Variants in PTPRT observed in about 807,000 individuals in gnomAD.
The protein encoded by PTPRT is protein tyrosine phosphatase receptor type T, also known as receptor-type tyrosine-protein phosphatase T.
PTPRT carries 56 observed loss-of-function variants against 176.8 expected under a neutral mutation model. The observed-to-expected ratio is 0.32, with a 90% confidence interval of 0.26 to 0.40. The LOEUF is 0.40. Ranked by LOEUF, PTPRT falls within the 10% of genes least tolerant of loss-of-function variation. PTPRT has a pLI of 1.00. For synonymous variants in PTPRT, 783 were observed against 739.0 expected (o/e 1.06, Z -0.96); for missense variants, 1,540 against 1,908.2 (o/e 0.81, Z 3.60).
At chr20:42,288,272 A>G (rs930857912) in intron 12 of PTPRT, among the ~76,000 whole-genome samples, 6 of 151,990 alleles carry the variant, frequency 3.9e-5, no homozygotes, top group African/African-American at 1.4e-4. Context: ...GCAAATGTGA[A>G]CATTAATTTG....
At chr20:42,896,781 TA>T (rs2079307845) in intron 1 of PTPRT, among the ~76,000 whole-genome samples, 2 of 152,052 alleles carry the variant, frequency 1.3e-5, no homozygotes, top group African/African-American at 2.4e-5. Flanking sequence ...ATTCCAAAGA[TA>T]AAATACCTCA....
In PTPRT at chr20:42,277,961, C is replaced by T. The variant is rs532474192; in HGVS notation, c.2176+4528G>A. On this transcript the variant is annotated intron_variant, in intron 13 of 30. Transcript: ENST00000373187. Reference sequence around the variant, plus strand: ...TCATCCAATGCATTTCATTGAGTACCAGTATATGCTGAGATCTGGGAATAA... The same window carrying T: ...TCATCCAATGCATTTCATTGAGTACTAGTATATGCTGAGATCTGGGAATAA... Among the ~76,000 whole-genome samples the T allele has an allele frequency of 6.0e-5, 9 of 150,120 alleles. No homozygotes were observed. The East Asian group carries it at 1.8e-3, about 30-fold the overall frequency.
intron 6 of PTPRT, among the ~76,000 whole-genome samples, chr20:42,701,773 G>A (rs190341887): frequency 9.2e-5 from 14 of 152,132 alleles, no homozygotes; most frequent in East Asian, 1.9e-4. Flanking sequence ...CTTGGATCAC[G>A]AGCTCTGCTG....
chr20:42,529,857 A>G (rs981864953), intron 7 of PTPRT, among the ~76,000 whole-genome samples: 5 of 151,818 alleles, frequency 3.3e-5, no homozygotes, highest in Admixed American at 2.0e-4. Context: ...GAAAAAAAAA[A>G]AAAAAAAAGA....
Position 42,401,520 on chromosome 20 carries a change from A to G in PTPRT, c.1560+46700T>C, listed in dbSNP as rs2058907048. Among the ~76,000 whole-genome samples the G allele has an allele frequency of 2.6e-5, 4 of 152,180 alleles. No homozygotes were observed. The South Asian group carries it at 8.3e-4, about 32-fold the overall frequency. ...TTTTTTAATCAGCACTTTGCAGAAC[A>G]GGAAACACACACATACACACACACG... is the stretch of plus-strand genomic sequence containing the variant. On this transcript the variant is annotated intron_variant, in intron 9 of 30. Coordinates refer to ENST00000373187, the MANE Select transcript of PTPRT (RefSeq NM_007050.6).
intron 6 of PTPRT, among the ~76,000 whole-genome samples, chr20:42,726,897 C>T (rs530458304): frequency 7.7e-4 from 118 of 152,286 alleles, no homozygotes; most frequent in African/African-American, 2.7e-3. Flanking sequence ...AATAGAAGAG[C>T]TTCAGTACCT....
rs115434062 is a variant in PTPRT, at chr20:43,173,330, C to A, written c.88+16316G>T. On this transcript the variant is annotated intron_variant, in intron 1 of 30. Transcript: ENST00000373187. ...TAAGGCACACAATGAAAAAGTCAAC[C>A]GCAAGGTGTTTGGTGCCTTTGGAAA... 4.0e-3 allele frequency among the ~76,000 whole-genome samples: 604 copies of A among 152,252 alleles called. 4 individuals carry two copies. Among genetic ancestry groups the A allele is most frequent in the African/African-American group, 0.014 (566 of 41,530 alleles).
chr20:43,041,896 T>C (rs1013025290), intron 1 of PTPRT, among the ~76,000 whole-genome samples: 1 of 152,222 alleles, frequency 6.6e-6, no homozygotes, highest in Non-Finnish European at 1.5e-5. Context: ...CCTAAAATAT[T>C]TACAACCTGT....
chr20:42,230,179 G>A (rs2056105013), intron 15 of PTPRT, among the ~76,000 whole-genome samples: 1 of 152,164 alleles, frequency 6.6e-6, no homozygotes, highest in Non-Finnish European at 1.5e-5. Context: ...ATATTGAGAT[G>A]GAGGAGATCA....
At chr20:42,408,387 T>C (rs2058981078) in intron 9 of PTPRT, among the ~76,000 whole-genome samples, 1 of 152,072 alleles carries the variant, frequency 6.6e-6, no homozygotes, top group South Asian at 2.1e-4. Context: ...AACCCGTGCG[T>C]GTGTGTGTAT....
intron 5 of PTPRT, among the ~76,000 whole-genome samples, chr20:42,769,419 G>A (rs143018154): frequency 3.9e-5 from 6 of 152,204 alleles, no homozygotes; most frequent in East Asian, 1.9e-4. Flanking sequence ...AAACTATAAC[G>A]TGCTCCCATT....
chr20:43,068,164 G>A (rs112745931), intron 1 of PTPRT, among the ~76,000 whole-genome samples: 4 of 134,378 alleles, frequency 3.0e-5, no homozygotes, highest in African/African-American at 1.1e-4. Context: ...AAGGAAGGAA[G>A]GAGGGAGGGA....
At chr20:42,680,646 C>A (rs1161975951) in intron 6 of PTPRT, among the ~76,000 whole-genome samples, 1 of 152,148 alleles carries the variant, frequency 6.6e-6, no homozygotes, top group African/African-American at 2.4e-5. Context: ...GAGTTGCAGA[C>A]TTCAATAGTT....
At chr20:43,075,149 A>T (rs1171490044) in intron 1 of PTPRT, among the ~76,000 whole-genome samples, 1 of 152,242 alleles carries the variant, frequency 6.6e-6, no homozygotes, top group Non-Finnish European at 1.5e-5. Flanking sequence ...TATCTGCATC[A>T]AAAGACTACT....
intron 29 of PTPRT, among the ~76,000 whole-genome samples, chr20:42,082,301 A>G (rs1362097457): frequency 6.6e-6 from 1 of 152,180 alleles, no homozygotes; most frequent in East Asian, 1.9e-4. Context: ...AATTAGCTTG[A>G]TGTTTTCTTG....
chr20:42,611,276 C>G (rs1219282773), intron 7 of PTPRT, among the ~76,000 whole-genome samples: 1 of 152,230 alleles, frequency 6.6e-6, no homozygotes, highest in Admixed American at 6.5e-5. Flanking sequence ...ATGTTACACT[C>G]ACAACAACAG....
chr20:42,679,264 C>A (rs1421043611), intron 6 of PTPRT, among the ~76,000 whole-genome samples: 2 of 151,698 alleles, frequency 1.3e-5, no homozygotes, highest in Non-Finnish European at 2.9e-5. Flanking sequence ...TCATGTAATT[C>A]TTGGGACAGC....
At chr20:42,217,654 A>C (rs549628924) in intron 15 of PTPRT, among the ~76,000 whole-genome samples, 1 of 152,208 alleles carries the variant, frequency 6.6e-6, no homozygotes, top group African/African-American at 2.4e-5. Flanking sequence ...TTTGCTACGT[A>C]TGTGTTGGGG....
intron 12 of PTPRT, among the ~76,000 whole-genome samples, chr20:42,308,474 T>C (rs1568759904): frequency 2.0e-5 from 3 of 152,264 alleles, no homozygotes; most frequent in Middle Eastern, 3.4e-3. Context: ...ATGTGGAGTT[T>C]ACTGGACAAA....
Sources: gnomAD v4.1 joint callset for allele counts (sites outside exome capture counted in the v4.1 genomes callset) on GRCh38, gnomAD v4.1.1 for gene constraint, MANE v1.5 for transcripts, NCBI Gene and HGNC (gene_info 2026-07-23, HGNC 2026-07-21) for gene names.